The following PRKCZ variants were observed in gnomAD, a reference collection of about 807,000 sequenced individuals.
PRKCZ encodes protein kinase C zeta type.
In PRKCZ, 33 loss-of-function variants were observed where a neutral mutation model predicts 79.5. That is an observed-to-expected ratio of 0.41 (90% confidence interval 0.31 to 0.55). The LOEUF (loss-of-function observed/expected upper bound fraction) is 0.55. Ranked by LOEUF, PRKCZ falls within the 20% of genes least tolerant of loss-of-function variation. PRKCZ has a pLI of 0.19. For synonymous variants in PRKCZ, 342 were observed against 320.9 expected (o/e 1.07, Z -0.70); for missense variants, 578 against 813.5 (o/e 0.71, Z 3.52).
intron 4 of PRKCZ, among the ~76,000 whole-genome samples, chr1:2,108,024 C>A (rs1455466935): frequency 1.2e-4 from 19 of 152,344 alleles, no homozygotes. Context: ...GAGCCTGCCT[C>A]CGTGGGGTGC....
chr1:2,076,990 G>A (rs936939922), intron 4 of PRKCZ, among the ~76,000 whole-genome samples: 2 of 152,204 alleles, frequency 1.3e-5, no homozygotes, highest in Admixed American at 1.3e-4. Flanking sequence ...GGCAGAACCA[G>A]TGATTCCACC....
chr1:2,105,457 T>C (rs1668222079), intron 4 of PRKCZ, among the ~76,000 whole-genome samples: 2 of 152,240 alleles, frequency 1.3e-5, no homozygotes, highest in African/African-American at 4.8e-5. Flanking sequence ...TGGAGTGCAG[T>C]GGCGTGATCT....
At position 2,175,385 on chromosome 1, in the gene PRKCZ, AC is replaced by A. The variant is rs1354822527; in HGVS notation, c.1575+76del. On this transcript the variant is annotated intron_variant, in intron 16 of 17. Coordinates refer to ENST00000378567, the MANE Select transcript of PRKCZ (RefSeq NM_002744.6). ...CCAAATCTACCCAACCCCCATCCCA[AC>A]CCCAACCCCAATATTCACCCAACCC... 1.7e-4 allele frequency: 194 copies of A among 1,172,280 alleles called. No individual in the cohort carries two copies. The East Asian group carries it at 4.3e-3, about 26-fold the overall frequency. The allele number at this position is 1,172,280 out of a possible 1,614,324, so 72.6% of individuals were successfully genotyped here. A position where few individuals can be genotyped will look rare whatever the true frequency, so the allele number is the denominator to read the frequency against.
At chr1:2,109,080 C>G (rs1240737644) in intron 4 of PRKCZ, among the ~76,000 whole-genome samples, 1 of 152,234 alleles carries the variant, frequency 6.6e-6, no homozygotes, top group Non-Finnish European at 1.5e-5. Flanking sequence ...CGTGGGCCCA[C>G]CCAGATCATC....
chr1:2,180,718 A>AT (rs1426243410), intron 16 of PRKCZ, among the ~76,000 whole-genome samples: 2 of 152,178 alleles, frequency 1.3e-5, no homozygotes, highest in African/African-American at 4.8e-5. Flanking sequence ...GGATGCTCAG[A>AT]TGACCGCTGC....
intron 4 of PRKCZ, among the ~76,000 whole-genome samples, chr1:2,122,931 G>GGTGGTAGTTA: frequency 1.9e-5 from 1 of 51,616 alleles, no homozygotes; most frequent in Admixed American, 2.1e-4. Flanking sequence ...TTAGGGTCAC[G>GGTGGTAGTTA]GCGGTGGTTA....
rs61776564 is a variant in PRKCZ, at chr1:2,124,321, G to A, written c.335-10941G>A. On this transcript the variant is annotated intron_variant, in intron 4 of 17. Coordinates refer to ENST00000378567, the MANE Select transcript of PRKCZ (RefSeq NM_002744.6). ...CGGTGGTAGTTAGGGTCACGGTGGT[G>A]GTTAGGGTCACGGTGGTGGTTAGGG... Among the ~76,000 whole-genome samples, 16 of 7,282 alleles carry A rather than the reference G, an allele frequency of 2.2e-3. 1 individual carries two copies. The highest frequency in any genetic ancestry group is 8.5e-3 in the African/African-American group (9 of 1,062). 4.8% of individuals were successfully genotyped at this position (7,282 alleles called of 152,430 possible).
chr1:2,138,025 C>T (rs1676572974), intron 5 of PRKCZ, among the ~76,000 whole-genome samples: 1 of 152,234 alleles, frequency 6.6e-6, no homozygotes, highest in South Asian at 2.1e-4. Flanking sequence ...GGGCTCTGAT[C>T]TCGCCACCTG....
intron 10 of PRKCZ, among the ~76,000 whole-genome samples, chr1:2,162,259 G>A (rs2103373147): frequency 6.6e-6 from 1 of 152,292 alleles, no homozygotes. Flanking sequence ...AACCCCCCGA[G>A]TAGCTGGGAA....
chr1:2,136,915 C>G (rs1237695959), intron 5 of PRKCZ, among the ~76,000 whole-genome samples: 1 of 152,212 alleles, frequency 6.6e-6, no homozygotes, highest in East Asian at 1.9e-4. Context: ...TCAGGGTTCT[C>G]CAGAGGGATG....
chr1:2,074,563 C>T, intron 4 of PRKCZ: 1 of 559,996 alleles, frequency 1.8e-6, no homozygotes, highest in Non-Finnish European at 3.2e-6. Flanking sequence ...GTGGTAACAG[C>T]CAGCACCTGT....
intron 4 of PRKCZ, among the ~76,000 whole-genome samples, chr1:2,097,578 C>G (rs958353393): frequency 6.6e-6 from 1 of 152,158 alleles, no homozygotes; most frequent in Non-Finnish European, 1.5e-5. Flanking sequence ...GTGTGCGTCC[C>G]TCAGCCCATG....
In PRKCZ at chr1:2,184,752, A is replaced by G. The variant is rs377706761; in HGVS notation, c.1691+54A>G. On this transcript the variant is annotated intron_variant, in intron 17 of 17. Coordinates refer to ENST00000378567, the MANE Select transcript of PRKCZ (RefSeq NM_002744.6). ...AGCACCCCTCGGGCAGCCCCATGGC[A>G]GGCCGGCACCTTGGGCAGCTGGTGA... 599 of 1,534,064 alleles carry G rather than the reference A, an allele frequency of 3.9e-4. 8 individuals carry two copies. The South Asian group carries it at 6.5e-3, about 17-fold the overall frequency.
chr1:2,162,608 A>AATT lies in PRKCZ; in HGVS notation c.974+6532_974+6534dup, dbSNP rs200622172. 7.9e-5 allele frequency among the ~76,000 whole-genome samples: 12 copies of AATT among 151,660 alleles called. No individual in the cohort carries two copies. The South Asian group carries it at 1.3e-3, about 16-fold the overall frequency. On this transcript the variant is annotated intron_variant, in intron 10 of 17. Coordinates refer to ENST00000378567, the MANE Select transcript of PRKCZ (RefSeq NM_002744.6). Reference sequence around the variant, plus strand: ...TGTGGTTTTCTTCACTTCCTTGTCTAATTATTATTATTATTATTTTTACAG... The same window carrying AATT: ...TGTGGTTTTCTTCACTTCCTTGTCTAATTATTATTATTATTATTATTTTTACAG...
chr1:2,097,036 C>T (rs1250635787), intron 4 of PRKCZ, among the ~76,000 whole-genome samples: 3 of 152,236 alleles, frequency 2.0e-5, no homozygotes, highest in Non-Finnish European at 2.9e-5. Context: ...TTGTTCTGGA[C>T]GGAGCTGACG....
At chr1:2,114,201 G>A (rs899763231) in intron 4 of PRKCZ, among the ~76,000 whole-genome samples, 1 of 151,010 alleles carries the variant, frequency 6.6e-6, no homozygotes, top group Non-Finnish European at 1.5e-5. Context: ...CGTGGAAGGA[G>A]GGACCCCGGA....
intron 1 of PRKCZ, among the ~76,000 whole-genome samples, chr1:2,053,275 A>G (rs1326122482): frequency 1.3e-5 from 2 of 151,964 alleles, no homozygotes; most frequent in African/African-American, 2.4e-5. Flanking sequence ...TAACTTTTGT[A>G]GTTTTAGTAG....
chr1:2,165,851 G>A lies in PRKCZ; in HGVS notation c.975-3667G>A, dbSNP rs538637223. Among the ~76,000 whole-genome samples the A allele has an allele frequency of 8.5e-5, 13 of 152,218 alleles. No homozygotes were observed. In the East Asian group the frequency reaches 2.1e-3, roughly 25 times the overall value. On this transcript the variant is annotated intron_variant, in intron 10 of 17. Transcript: ENST00000378567. This position sits in a 1 kb window ranked among gnomAD's most constrained non-coding sequence, Gnocchi z 4.1. ...GTGGGGGGAGTGGCGAGGAGGGGGC[G>A]GCACCAAGGACAGGGCCCACCTCCT...
rs1685221688 is a variant in PRKCZ, at chr1:2,175,303, A to C, written c.1565A>C (p.Asp522Ala). The stretch of plus-strand genomic sequence containing the variant: ...TCCCACGCGTTCTTCCGCAGCATAG[A>C]CTGGGACTTGGTAAAGCATCACAAA... The part of the protein sequence containing the change: ...IKSHAFFRSI[D>A]WDLLEKKQAL... Residue 522 changes from aspartate (D) to alanine (A), a missense_variant, in exon 16 of 18, where the codon GAC becomes GCC. Physicochemically the swap from Asp to Ala is moderately radical, Grantham distance 126. Coordinates refer to ENST00000378567, the MANE Select transcript of PRKCZ (RefSeq NM_002744.6). 6.2e-7 allele frequency: 1 copy of C among 1,612,928 alleles called. No homozygotes were observed. Among genetic ancestry groups the C allele is most frequent in the African/African-American group, 1.3e-5 (1 of 74,822 alleles).
Sources: gnomAD v4.1 joint callset for allele counts (sites outside exome capture counted in the v4.1 genomes callset) on GRCh38, gnomAD v4.1.1 for gene constraint, Gnocchi (gnomAD v3.1) non-coding constraint, MANE v1.5 for transcripts, NCBI Gene and HGNC (gene_info 2026-07-23, HGNC 2026-07-21) for gene names.